Variants in TMEM269 observed in about 807,000 individuals in gnomAD.
TMEM269 encodes the protein transmembrane protein 269.
Under a neutral mutation model 15.8 loss-of-function variants are expected in TMEM269, and 12 were observed. The observed-to-expected ratio is 0.76, with a 90% CI of 0.49 to 1.23. The LOEUF (loss-of-function observed/expected upper bound fraction) is 1.23. Ranked by LOEUF, TMEM269 falls within the 50% of genes most tolerant of loss-of-function variation. The pLI, the probability that TMEM269 is intolerant of heterozygous loss-of-function variation, is 0.00. For synonymous variants in TMEM269, 93 were observed against 99.3 expected (o/e 0.94, Z 0.38); for missense variants, 211 against 245.4 (o/e 0.86, Z 0.94).
rs139384291 is a variant in TMEM269, at chr1:42,795,395, A to G, written c.484+782A>G. 3.6e-3 allele frequency among the ~76,000 whole-genome samples: 548 copies of G among 152,348 alleles called. 3 individuals carry two copies. The highest frequency in any genetic ancestry group is 0.013 in the African/African-American group (521 of 41,586). ...AAATGAGGAGCCTCTAAAGGGATTT[A>G]TGCAGGGAAGTGGTATGGCTGGAGC... On this transcript the variant is annotated intron_variant, in intron 5 of 5. Coordinates refer to ENST00000637012, the MANE Select transcript of TMEM269 (RefSeq NM_001354602.2).
At chr1:42,794,334 C>G (rs1653753435) in intron 4 of TMEM269, 79 bp from the exon 5 acceptor site, 4 of 1,103,362 alleles carry the variant, frequency 3.6e-6, no homozygotes, top group Admixed American at 2.2e-5. Flanking sequence ...GGGGAATACC[C>G]AAAGAGAGAG....
At chr1:42,790,787 T>C (rs2124215270) in intron 2 of TMEM269, among the ~76,000 whole-genome samples, 1 of 152,230 alleles carries the variant, frequency 6.6e-6, no homozygotes, top group Admixed American at 6.5e-5. Flanking sequence ...GTTGCCATGA[T>C]GGTGCCCTGA....
Position 42,797,764 on chromosome 1 carries a change from G to T in TMEM269, c.485-334G>T, listed in dbSNP as rs17381636. On this transcript the variant is annotated intron_variant, in intron 5 of 5. Coordinates refer to ENST00000637012, the MANE Select transcript of TMEM269 (RefSeq NM_001354602.2). The surrounding 1 kb of genome is among the most constrained non-coding windows in gnomAD (Gnocchi z 4.9). The stretch of plus-strand genomic sequence containing the variant: ...CACATGTTAAATTTAAAACAATGAG[G>T]AAGATTTTTTTTTCCTAACAAGGGT... 22,320 of 498,172 alleles carry T rather than the reference G, an allele frequency of 0.045. 711 individuals are homozygous for T. The highest frequency in any genetic ancestry group is 0.079 in the Admixed American group (3,378 of 42,852). The allele number at this position is 498,172 out of a possible 1,614,324, so 30.9% of individuals were successfully genotyped here.
chr1:42,790,681 C>T (rs1392702724), intron 2 of TMEM269, among the ~76,000 whole-genome samples: 3 of 151,708 alleles, frequency 2.0e-5, no homozygotes, highest in Non-Finnish European at 4.4e-5. Context: ...GATCCACCTG[C>T]CTAGGCCTCC....
chr1:42,794,456 C>G lies in TMEM269; in HGVS notation c.327C>G (p.Ser109=). 1 of 1,550,636 alleles carries G rather than the reference C, an allele frequency of 6.4e-7. No homozygotes were observed. The highest frequency in any genetic ancestry group is 1.2e-5 in the South Asian group (1 of 84,062). The part of the protein sequence containing the change: ...TYKGLPCPYA[S]CILASTSLLT... ...AGGGTCTACCCTGCCCCTATGCTTC[C>G]TGCATCTTGGCTTCCACCTCCCTTC... is the stretch of plus-strand genomic sequence containing the variant. The change falls in exon 5 of 6, where the codon TCC becomes TCG. Residue 109 remains serine (S), a synonymous_variant. Transcript: ENST00000637012.
chr1:42,790,045 C>T (rs942040205), intron 2 of TMEM269, 111 bp downstream of exon 2: 5 of 803,554 alleles, frequency 6.2e-6, no homozygotes, highest in South Asian at 1.6e-5. Context: ...CCACAGTGTA[C>T]CCAGGGTAAG....
rs2760081 is a variant in TMEM269, at chr1:42,797,002, A to G, written c.485-1096A>G. Among the ~76,000 whole-genome samples, 99,810 of 151,722 alleles carry G rather than the reference A, an allele frequency of 0.66. 33,133 individuals are homozygous for G. The highest frequency in any genetic ancestry group is 0.83 in the South Asian group (3,993 of 4,812). The stretch of plus-strand genomic sequence containing the variant: ...GTGGGTTTGAATCAGGACCTCGTAC[A>G]GGTTACTTCTGTTTCTTCTTATGAA... On this transcript the variant is annotated intron_variant, in intron 5 of 5. Transcript: ENST00000637012. The surrounding 1 kb of genome is among the most constrained non-coding windows in gnomAD (Gnocchi z 4.9).
intron 2 of TMEM269, among the ~76,000 whole-genome samples, chr1:42,791,051 T>C (rs762952254): frequency 4.6e-5 from 7 of 152,046 alleles, no homozygotes; most frequent in African/African-American, 7.2e-5. Context: ...GAATGTGGGG[T>C]ATGAAAGAGC....
At chr1:42,789,553 C>A in intron 1 of TMEM269, 1 of 1,486,898 alleles carries the variant, frequency 6.7e-7, no homozygotes. Flanking sequence ...GGAGTGGAAA[C>A]TATGCTTGTG....
At chr1:42,793,002 C>T in intron 3 of TMEM269, 100 bp downstream of exon 3, 2 of 925,688 alleles carry the variant, frequency 2.2e-6, no homozygotes, top group Non-Finnish European at 3.4e-6. Flanking sequence ...CTTCATCAGG[C>T]ATCCACCCCT....
At chr1:42,789,010 C>T (rs961737616) in intron 1 of TMEM269, among the ~76,000 whole-genome samples, 4 of 150,470 alleles carry the variant, frequency 2.7e-5, no homozygotes, top group Non-Finnish European at 5.9e-5. Context: ...CAACCTCTGC[C>T]TCCTAAGGTT....
At chr1:42,792,185 G>A (rs1653698320) in intron 2 of TMEM269, among the ~76,000 whole-genome samples, 1 of 151,878 alleles carries the variant, frequency 6.6e-6, no homozygotes, top group Non-Finnish European at 1.5e-5. Context: ...AATGAAACAA[G>A]GGCCATTACT....
In TMEM269 at chr1:42,789,828, C is replaced by G. The variant is rs1194354837; in HGVS notation, c.-66C>G. ...TACCAGTTTCTTCCTGAGCCATGAC[C>G]AGAGCCATTCCCAGATAAATGAGGT... On this transcript the variant is annotated 5_prime_UTR_variant, in exon 2 of 6. Coordinates refer to ENST00000637012, the MANE Select transcript of TMEM269 (RefSeq NM_001354602.2). 1.3e-6 allele frequency: 2 copies of G among 1,549,678 alleles called. No homozygotes were observed. The highest frequency in any genetic ancestry group is 1.7e-6 in the Non-Finnish European group (2 of 1,145,988).
rs937820245 is a variant in TMEM269, at chr1:42,794,548, A to G, written c.419A>G (p.Gln140Arg). ...CTCATGATTCTCTTCATGATGGACC[A>G]GAGCTACTATCCATATGACAAAATC... ...ASLMILFMMD[Q>R]SYYPYDKILE... The change falls in exon 5 of 6, where the codon CAG becomes CGG. Residue 140 changes from glutamine to arginine, a missense_variant. Coordinates refer to ENST00000637012, the MANE Select transcript of TMEM269 (RefSeq NM_001354602.2). 14 of 1,550,950 alleles carry G rather than the reference A, an allele frequency of 9.0e-6. No homozygotes were observed. Among genetic ancestry groups the G allele is most frequent in the Non-Finnish European group, 1.2e-5 (14 of 1,147,072 alleles).
chr1:42,786,093 G>C (rs1028526321), intron 1 of TMEM269, among the ~76,000 whole-genome samples: 2 of 152,208 alleles, frequency 1.3e-5, no homozygotes, highest in African/African-American at 4.8e-5. Flanking sequence ...CTGGGTATGC[G>C]GAAGGGGCTG....
rs899137716 is a variant in TMEM269 at position 42,798,390 on chromosome 1, C to G, written c.*165C>G. The G allele has an allele frequency of 1.3e-5, 11 of 829,350 alleles. No homozygotes were observed. The highest frequency in any genetic ancestry group is 2.0e-5 in the Non-Finnish European group (11 of 548,680). The allele number at this position is 829,350 out of a possible 1,614,324, so 51.4% of individuals were successfully genotyped here. A position where few individuals can be genotyped will look rare whatever the true frequency, so the allele number is the denominator to read the frequency against. On this transcript the variant is annotated 3_prime_UTR_variant, in exon 6 of 6. Coordinates refer to ENST00000637012, the MANE Select transcript of TMEM269 (RefSeq NM_001354602.2). ...AGAAACCCAAAGCAGGGTCAGTGAA[C>G]TTCACTTCTTTGTCTTTATTCAGGG...
Position 42,789,776 on chromosome 1 carries a change from C to T in TMEM269, c.-98-20C>T. On this transcript the variant is annotated intron_variant, in intron 1 of 5. Coordinates refer to ENST00000637012, the MANE Select transcript of TMEM269 (RefSeq NM_001354602.2). ...CTCCTTAACCTTGGGAACCCTTCGC[C>T]CCTCTCTCTTGGGCCCCAGGTAAGG... 7.3e-7 allele frequency: 1 copy of T among 1,363,890 alleles called. No homozygotes were observed. The highest frequency in any genetic ancestry group is 1.0e-6 in the Non-Finnish European group (1 of 976,612). 84.5% of individuals were successfully genotyped at this position (1,363,890 alleles called of 1,614,324 possible). A position where few individuals can be genotyped will look rare whatever the true frequency, so the allele number is the denominator to read the frequency against.
At chr1:42,787,715 A>AAG (rs949746370) in intron 1 of TMEM269, among the ~76,000 whole-genome samples, 1 of 152,160 alleles carries the variant, frequency 6.6e-6, no homozygotes, top group African/African-American at 2.4e-5. Flanking sequence ...GAGATAATGA[A>AAG]AGAGATAATA....
intron 1 of TMEM269, among the ~76,000 whole-genome samples, chr1:42,786,713 A>C (rs901343363): frequency 2.0e-5 from 3 of 152,126 alleles, no homozygotes; most frequent in Admixed American, 6.5e-5. Context: ...TTTTCTGTGC[A>C]GGGTTAGGTA....
Sources: gnomAD v4.1 joint callset for allele counts (sites outside exome capture counted in the v4.1 genomes callset) on GRCh38, gnomAD v4.1.1 for gene constraint, Gnocchi (gnomAD v3.1) non-coding constraint, MANE v1.5 for transcripts, NCBI Gene and HGNC (gene_info 2026-07-23, HGNC 2026-07-21) for gene names.